TPCN2: variants seen among roughly 807,000 people sequenced by gnomAD.
The protein encoded by TPCN2 is two pore segment channel 2, also known as two pore channel protein 2.
TPCN2 carries 92 observed loss-of-function variants against 111.4 expected under a neutral mutation model. That is an observed-to-expected ratio of 0.83 (90% confidence interval 0.70 to 0.98). The LOEUF (loss-of-function observed/expected upper bound fraction) is 0.98, where lower values mean the gene tolerates loss of function less well. Ranked by LOEUF, TPCN2 falls within the 50% of genes least tolerant of loss-of-function variation. TPCN2 has a pLI of 0.00. For synonymous variants in TPCN2, 405 were observed against 414.5 expected (o/e 0.98, Z 0.28); for missense variants, 995 against 980.1 (o/e 1.02, Z -0.20).
intron 3 of TPCN2, 116 bp from the exon 4 acceptor site, chr11:69,055,059 T>C: frequency 8.8e-7 from 1 of 1,131,694 alleles, no homozygotes; most frequent in Non-Finnish European, 1.3e-6. Context: ...CAGTCACGAG[T>C]GTCCACGCTC....
chr11:69,063,837 T>G (rs1042877607), intron 6 of TPCN2, 58 bp from the exon 7 acceptor site: 20 of 1,541,988 alleles, frequency 1.3e-5, no homozygotes, highest in East Asian at 2.3e-5. Flanking sequence ...TGCAGGCAGG[T>G]CAGGTGTCCC....
At chr11:69,080,446 G>T (rs1025304552) in intron 17 of TPCN2, among the ~76,000 whole-genome samples, 1 of 152,244 alleles carries the variant, frequency 6.6e-6, no homozygotes, top group East Asian at 1.9e-4. Context: ...GACAACCTGG[G>T]CAGGGACCCT....
chr11:69,085,954 C>T, intron 22 of TPCN2, 24 bp downstream of exon 22: 2 of 1,603,526 alleles, frequency 1.2e-6, no homozygotes, highest in Non-Finnish European at 1.7e-6. Context: ...TCCCTGACGG[C>T]AGTGATTCTC....
At chr11:69,084,603 G>A (rs1565095870) in intron 19 of TPCN2, 1 of 985,314 alleles carries the variant, frequency 1.0e-6, no homozygotes, top group Non-Finnish European at 1.2e-6. Flanking sequence ...CGTGCAGAGT[G>A]ACAGGAGGCG....
chr11:69,075,107 C>T (rs2134600539), intron 13 of TPCN2, among the ~76,000 whole-genome samples: 1 of 152,314 alleles, frequency 6.6e-6, no homozygotes, highest in Non-Finnish European at 1.5e-5. Flanking sequence ...GCCTGGTGGT[C>T]TCCCTGGAGG....
intron 24 of TPCN2, 97 bp from the exon 25 acceptor site, chr11:69,087,778 C>T (rs1440112696): frequency 7.7e-6 from 7 of 914,440 alleles, no homozygotes; most frequent in Admixed American, 2.4e-5. Context: ...ACACTCACTT[C>T]GCATGTGTTG....
intron 13 of TPCN2, among the ~76,000 whole-genome samples, chr11:69,076,007 C>G (rs1855738066): frequency 6.6e-6 from 1 of 152,218 alleles, no homozygotes; most frequent in South Asian, 2.1e-4. Context: ...GCTGAAATCT[C>G]TCTTGGCCAA....
At chr11:69,085,343 G>GGGGGGGGGGGGGGC in intron 20 of TPCN2, 57 bp downstream of exon 20, 3 of 581,882 alleles carry the variant, frequency 5.2e-6, no homozygotes, top group African/African-American at 1.9e-5. Flanking sequence ...GGGTGGGCGG[G>GGGGGGGGGGGGGGC]AAGCCTTGGC....
intron 1 of TPCN2, among the ~76,000 whole-genome samples, chr11:69,053,081 G>A (rs576047985): frequency 1.3e-5 from 2 of 152,334 alleles, no homozygotes; most frequent in South Asian, 2.1e-4. Context: ...AGGTGCGCCC[G>A]CTGGCTGCTC....
chr11:69,061,207 C>T (rs1855006128), intron 5 of TPCN2, among the ~76,000 whole-genome samples: 1 of 152,134 alleles, frequency 6.6e-6, no homozygotes, highest in South Asian at 2.1e-4. Flanking sequence ...GCCCGGCAGC[C>T]CTGGCAGAGG....
At chr11:69,087,007 C>A in intron 23 of TPCN2, 105 bp from the exon 24 acceptor site, 1 of 918,972 alleles carries the variant, frequency 1.1e-6, no homozygotes, top group Non-Finnish European at 1.7e-6. Flanking sequence ...AATGGCTCAG[C>A]CCCCTCAGCG....
In TPCN2 at chr11:69,085,251, T is replaced by G. The variant is rs752229683; in HGVS notation, c.1803T>G (p.Phe601Leu). The G allele has an allele frequency of 6.2e-7, 1 of 1,613,840 alleles. No individual in the cohort carries two copies. The highest frequency in any genetic ancestry group is 8.5e-7 in the Non-Finnish European group (1 of 1,179,920). Residue 601 changes from phenylalanine to leucine, a missense_variant, in exon 20 of 25, where the codon TTT becomes TTG. Transcript: ENST00000294309. ...YVFAIIGINLFRGVIVALPGN... is the reference protein window; with the variant it reads ...YVFAIIGINLLRGVIVALPGN... ...TTGCCATCATTGGGATCAACTTGTT[T>G]AGAGGCGTCATTGTGGCTCTTCCTG... is the stretch of plus-strand genomic sequence containing the variant.
chr11:69,055,387 C>T (rs201107466), intron 4 of TPCN2, 35 bp downstream of exon 4: 15 of 1,555,014 alleles, frequency 9.6e-6, no homozygotes, highest in East Asian at 2.3e-5. Flanking sequence ...CGTGCTGCCC[C>T]GGCCTCCCAG....
chr11:69,087,068 T>A, intron 23 of TPCN2, 44 bp from the exon 24 acceptor site: 1 of 1,564,008 alleles, frequency 6.4e-7, no homozygotes, highest in Non-Finnish European at 8.8e-7. Flanking sequence ...AAGGCTGCTT[T>A]CATTCGGGGC....
At position 69,078,669 on chromosome 11, in the gene TPCN2, G is replaced by C; in HGVS notation, c.1351-65G>C. 2.5e-6 allele frequency: 4 copies of C among 1,613,410 alleles called. No individual in the cohort carries two copies. In the South Asian group the frequency reaches 3.3e-5, roughly 13 times the overall value. On this transcript the variant is annotated intron_variant, in intron 14 of 24. Coordinates refer to ENST00000294309, the MANE Select transcript of TPCN2 (RefSeq NM_139075.4). ...TCCCGCCCACCTTGCAGGGGAGCCT[G>C]CCCCTCCTGCCTCGCCCAGCGCTGT...
intron 14 of TPCN2, 30 bp downstream of exon 14, chr11:69,078,631 C>T (rs1392424694): frequency 8.7e-6 from 14 of 1,613,458 alleles, no homozygotes; most frequent in African/African-American, 4.0e-5. Context: ...AGAGCTGGCA[C>T]GGAAGTGCCG....
intron 12 of TPCN2, 77 bp from the exon 13 acceptor site, chr11:69,072,838 T>C (rs1429024701): frequency 6.6e-7 from 1 of 1,523,886 alleles, no homozygotes; most frequent in Admixed American, 1.7e-5. Flanking sequence ...AGGGTGGGGT[T>C]GGGGCTGGGG....
rs1856353843 is a variant in TPCN2 at position 69,088,151 on chromosome 11, T to C, written c.*198T>C. On this transcript the variant is annotated 3_prime_UTR_variant, in exon 25 of 25. Transcript: ENST00000294309. ...CATCTACAGAACAGCTGCTGGTGCT[T>C]CAGGGAGGCGCCGTGCCCTCCGCTT... is the stretch of plus-strand genomic sequence containing the variant. 8.0e-5 allele frequency: 45 copies of C among 562,500 alleles called. 1 individual carries two copies. The South Asian group carries it at 9.9e-4, about 12-fold the overall frequency. The allele number at this position is 562,500 out of a possible 1,614,324, so 34.8% of individuals were successfully genotyped here.
At chr11:69,080,595 C>A (rs1285666003) in intron 17 of TPCN2, among the ~76,000 whole-genome samples, 1 of 152,206 alleles carries the variant, frequency 6.6e-6, no homozygotes, top group Non-Finnish European at 1.5e-5. Flanking sequence ...AGGCCGGGCT[C>A]CTTGGGTCTC....
Sources: gnomAD v4.1 joint callset for allele counts (sites outside exome capture counted in the v4.1 genomes callset) on GRCh38, gnomAD v4.1.1 for gene constraint, MANE v1.5 for transcripts, NCBI Gene and HGNC (gene_info 2026-07-23, HGNC 2026-07-21) for gene names.